SENP5: variants seen among roughly 807,000 people sequenced by gnomAD.
SENP5 encodes SUMO specific peptidase 5.
Under a neutral mutation model 74.2 loss-of-function variants are expected in SENP5, and 21 were observed. The ratio of observed to expected loss-of-function variants is 0.28; its 90% CI spans 0.20 to 0.41. The LOEUF (loss-of-function observed/expected upper bound fraction) is 0.41, where lower values mean the gene tolerates loss of function less well. Ranked by LOEUF, SENP5 falls within the 10% of genes least tolerant of loss-of-function variation. The pLI, the probability that SENP5 is intolerant of heterozygous loss-of-function variation, is 1.00. For missense variants in SENP5, 717 were observed against 889.1 expected, an observed-to-expected ratio of 0.81 and a Z score of 2.46; for synonymous variants, 311 against 312.7, an observed-to-expected ratio of 0.99 and a Z score of 0.06.
intron 1 of SENP5, among the ~76,000 whole-genome samples, chr3:196,879,504 C>G (rs1414020844): frequency 1.3e-5 from 2 of 152,182 alleles, no homozygotes; most frequent in Admixed American, 6.5e-5. Context: ...ATTCTTGGAG[C>G]CTTTTGACTG....
chr3:196,889,479 A>C (rs1401849753), intron 2 of SENP5, among the ~76,000 whole-genome samples: 1 of 152,202 alleles, frequency 6.6e-6, no homozygotes, highest in African/African-American at 2.4e-5. Context: ...AGGGGAAAAA[A>C]ATGGTATCTC....
At chr3:196,898,958 A>G (rs1306102504) in intron 2 of SENP5, among the ~76,000 whole-genome samples, 1 of 151,978 alleles carries the variant, frequency 6.6e-6, no homozygotes, top group African/African-American at 2.4e-5. Flanking sequence ...AGGCGCCTGT[A>G]GTCACAGCTA....
chr3:196,911,286 T>C (rs1191417680), intron 6 of SENP5, among the ~76,000 whole-genome samples: 1 of 152,102 alleles, frequency 6.6e-6, no homozygotes, highest in Non-Finnish European at 1.5e-5. Flanking sequence ...CCTATAGAAT[T>C]GGATAAAATT....
intron 1 of SENP5, among the ~76,000 whole-genome samples, chr3:196,875,517 C>G (rs1380469539): frequency 6.6e-6 from 1 of 152,154 alleles, no homozygotes; most frequent in Non-Finnish European, 1.5e-5. Flanking sequence ...TGTTCCTCAT[C>G]TACCCCTTCC....
At chr3:196,896,286 A>G (rs926527347) in intron 2 of SENP5, among the ~76,000 whole-genome samples, 4 of 152,236 alleles carry the variant, frequency 2.6e-5, no homozygotes, top group Non-Finnish European at 5.9e-5. Flanking sequence ...TAGAGAAAAG[A>G]TAACAGATAT....
intron 1 of SENP5, among the ~76,000 whole-genome samples, chr3:196,872,695 C>T (rs574651827): frequency 6.6e-6 from 1 of 152,314 alleles, no homozygotes; most frequent in South Asian, 2.1e-4. Context: ...CCACATGTAG[C>T]AGCCTAAATC....
rs1713529257 is a variant in SENP5 at position 196,877,462 on chromosome 3, G to T, written c.-31-7689G>T. Among the ~76,000 whole-genome samples the T allele has an allele frequency of 3.9e-5, 6 of 152,258 alleles. No homozygotes were observed. The South Asian group carries it at 1.2e-3, about 32-fold the overall frequency. ...GACCTTCAAAAGTGCTGTGCTTACAGGTGTGCGCCACCGTGCCCGGCCACT... is the reference window on the plus strand; with the variant it reads ...GACCTTCAAAAGTGCTGTGCTTACATGTGTGCGCCACCGTGCCCGGCCACT... On this transcript the variant is annotated intron_variant, in intron 1 of 9. Coordinates refer to ENST00000323460, the MANE Select transcript of SENP5 (RefSeq NM_152699.5).
Position 196,885,135 on chromosome 3 carries a change from C to A in SENP5, c.-31-16C>A. The A allele has an allele frequency of 7.0e-7, 1 of 1,422,574 alleles. No individual in the cohort carries two copies. Among genetic ancestry groups the A allele is most frequent in the South Asian group, 1.3e-5 (1 of 76,956 alleles). The allele number at this position is 1,422,574 out of a possible 1,614,324, so 88.1% of individuals were successfully genotyped here. A position where few individuals can be genotyped will look rare whatever the true frequency, so the allele number is the denominator to read the frequency against. On this transcript the variant is annotated splice_polypyrimidine_tract_variant and intron_variant, in intron 1 of 9. Coordinates refer to ENST00000323460, the MANE Select transcript of SENP5 (RefSeq NM_152699.5). Reference sequence around the variant, plus strand: ...TATTTTTAGATAGAAATATAACTTACTTCTCTTCTTTACAGCTGCATCCAG... The same window carrying A: ...TATTTTTAGATAGAAATATAACTTAATTCTCTTCTTTACAGCTGCATCCAG...
At chr3:196,869,912 A>T (rs568514527) in intron 1 of SENP5, among the ~76,000 whole-genome samples, 13 of 151,008 alleles carry the variant, frequency 8.6e-5, no homozygotes, top group Admixed American at 7.3e-4. Context: ...GAAATTTAAC[A>T]ATATTTTGCT....
chr3:196,930,175 T>C (rs987011053), intron 9 of SENP5, among the ~76,000 whole-genome samples: 2 of 152,168 alleles, frequency 1.3e-5, no homozygotes, highest in Admixed American at 1.3e-4. Context: ...ATATGATGCA[T>C]GAATTTAGAG....
intron 6 of SENP5, chr3:196,914,117 A>G (rs1226528520): frequency 1.3e-5 from 2 of 152,162 alleles, no homozygotes; most frequent in Non-Finnish European, 2.9e-5. Context: ...AGTATAGACT[A>G]ATATATTCAG....
rs77538726 is a variant in SENP5 at position 196,876,064 on chromosome 3, A to C, written c.-32+7991A>C. On this transcript the variant is annotated intron_variant, in intron 1 of 9. Coordinates refer to ENST00000323460, the MANE Select transcript of SENP5 (RefSeq NM_152699.5). ...CATAGTAAGCGTTTATTTGAATTAC[A>C]TGTTTATTTCATATTAAGAAGTTTG... is the stretch of plus-strand genomic sequence containing the variant. 1.2e-3 allele frequency among the ~76,000 whole-genome samples: 188 copies of C among 152,268 alleles called. 7 individuals carry two copies. The East Asian group carries it at 0.03, about 25-fold the overall frequency.
At chr3:196,872,295 A>G (rs1713250107) in intron 1 of SENP5, among the ~76,000 whole-genome samples, 1 of 152,220 alleles carries the variant, frequency 6.6e-6, no homozygotes, top group East Asian at 1.9e-4. Flanking sequence ...GCAGAAATGT[A>G]AAGGAAACGC....
chr3:196,929,587 G>A (rs1411204639), intron 8 of SENP5, 46 bp from the exon 9 acceptor site: 2 of 1,197,380 alleles, frequency 1.7e-6, no homozygotes, highest in African/African-American at 1.5e-5. Context: ...TATCTGAAGA[G>A]AAGTAATGGA....
intron 6 of SENP5, among the ~76,000 whole-genome samples, chr3:196,907,256 G>A (rs1714940038): frequency 6.6e-6 from 1 of 151,944 alleles, no homozygotes; most frequent in Admixed American, 6.6e-5. Context: ...GGCGGATCAC[G>A]AGGTCAGGAG....
chr3:196,869,784 A>AAAC (rs1560135336), intron 1 of SENP5, among the ~76,000 whole-genome samples: 1 of 146,704 alleles, frequency 6.8e-6, no homozygotes, highest in African/African-American at 2.5e-5. Flanking sequence ...AAAAAAAAAA[A>AAAC]GGTGCTGGGA....
rs143574005 is a variant in SENP5 at position 196,920,166 on chromosome 3, C to T, written c.1885-3248C>T. On this transcript the variant is annotated intron_variant, in intron 6 of 9. Coordinates refer to ENST00000323460, the MANE Select transcript of SENP5 (RefSeq NM_152699.5). Reference sequence around the variant, plus strand: ...ACATTAGTTTGGGGAGAATGGACATCTAATAATAGTAAGCCTTTCAGTGTA... The same window carrying T: ...ACATTAGTTTGGGGAGAATGGACATTTAATAATAGTAAGCCTTTCAGTGTA... 2.8e-4 allele frequency among the ~76,000 whole-genome samples: 42 copies of T among 151,948 alleles called. 1 individual carries two copies. The highest frequency in any genetic ancestry group is 1.5e-3 in the Admixed American group (23 of 15,294).
chr3:196,934,699 T>C lies in SENP5; in HGVS notation c.*3776T>C, dbSNP rs979084824. On this transcript the variant is annotated 3_prime_UTR_variant, in exon 10 of 10. Coordinates refer to ENST00000323460, the MANE Select transcript of SENP5 (RefSeq NM_152699.5). Reference sequence around the variant, plus strand: ...CAAAGTATTTTTTTGAAAAATAAACTAAATGCCTTTATAAACTTGTGTTCT... The same window carrying C: ...CAAAGTATTTTTTTGAAAAATAAACCAAATGCCTTTATAAACTTGTGTTCT... 1.3e-5 allele frequency: 2 copies of C among 152,242 alleles called. No homozygotes were observed. The highest frequency in any genetic ancestry group is 4.8e-5 in the African/African-American group (2 of 41,474). The allele number at this position is 152,242 out of a possible 1,614,324, so 9.4% of individuals were successfully genotyped here.
chr3:196,867,943 C>T lies in SENP5; in HGVS notation c.-162C>T, dbSNP rs956236003. ...TCAGAGGAAGCTCGGCGGCTGTGGC[C>T]GCGGCGAACAGGCCGGACGCCTCGT... On this transcript the variant is annotated 5_prime_UTR_variant, in exon 1 of 10. Transcript: ENST00000323460. 5 of 152,232 alleles carry T rather than the reference C, an allele frequency of 3.3e-5. No homozygotes were observed. The highest frequency in any genetic ancestry group is 1.2e-4 in the African/African-American group (5 of 41,544). The allele number at this position is 152,232 out of a possible 1,614,324, so 9.4% of individuals were successfully genotyped here. A position where few individuals can be genotyped will look rare whatever the true frequency, so the allele number is the denominator to read the frequency against.
Sources: allele counts gnomAD v4.1 joint callset (sites outside exome capture counted in the v4.1 genomes callset), GRCh38; gene constraint gnomAD v4.1.1; transcripts MANE v1.5; gene names NCBI Gene and HGNC (gene_info 2026-07-23, HGNC 2026-07-21).